Variants in SUGCT observed in about 807,000 individuals in gnomAD.
The protein encoded by SUGCT is succinyl-CoA:glutarate-CoA transferase.
Under a neutral mutation model 55.0 loss-of-function variants are expected in SUGCT, and 41 were observed. The observed-to-expected ratio is 0.74, with a 90% confidence interval of 0.58 to 0.97. The LOEUF (loss-of-function observed/expected upper bound fraction) is 0.97, where lower values mean the gene tolerates loss of function less well. Ranked by LOEUF, SUGCT falls within the 50% of genes least tolerant of loss-of-function variation. The probability of loss-of-function intolerance (pLI) is 0.00; values close to 1 mark genes in which losing one functional copy is unlikely to be tolerated. For missense variants in SUGCT, 568 were observed against 547.8 expected (o/e 1.04, Z -0.37); for synonymous variants, 187 against 200.4 (o/e 0.93, Z 0.56).
chr7:40,819,374 A>G (rs1399252091), intron 13 of SUGCT, among the ~76,000 whole-genome samples: 3 of 152,182 alleles, frequency 2.0e-5, no homozygotes, highest in African/African-American at 4.8e-5. Flanking sequence ...AGTCCCACCA[A>G]CAGTGTAAAG....
the SUGCT span, among the ~76,000 whole-genome samples, chr7:40,912,528 TG>T: frequency 6.6e-6 from 1 of 152,174 alleles, no homozygotes; most frequent in South Asian, 2.1e-4. Context: ...AATAAAATTT[TG>T]TTTTGGTCGA....
chr7:40,280,782 A>G (rs1212570694), intron 8 of SUGCT, among the ~76,000 whole-genome samples: 2 of 152,206 alleles, frequency 1.3e-5, no homozygotes, highest in African/African-American at 2.4e-5. Flanking sequence ...TATATTACAT[A>G]TCATAAAAAT....
At chr7:41,000,722 G>A in the SUGCT span, among the ~76,000 whole-genome samples, 2 of 152,160 alleles carry the variant, frequency 1.3e-5, no homozygotes, top group African/African-American at 4.8e-5. Flanking sequence ...AGAATAGCTT[G>A]TAGATGTGTT....
chr7:40,791,139 A>G (rs1336861914), intron 13 of SUGCT, among the ~76,000 whole-genome samples: 2 of 152,346 alleles, frequency 1.3e-5, no homozygotes, highest in African/African-American at 4.8e-5. Context: ...TCTTTGACAG[A>G]AAAAGCATTT....
intron 12 of SUGCT, among the ~76,000 whole-genome samples, chr7:40,707,202 G>A (rs1013694735): frequency 6.6e-6 from 1 of 151,416 alleles, no homozygotes; most frequent in Non-Finnish European, 1.5e-5. Flanking sequence ...TGAATTTTCA[G>A]TGTAAGCTAA....
At chr7:40,959,093 A>C in the SUGCT span, among the ~76,000 whole-genome samples, 1 of 152,056 alleles carries the variant, frequency 6.6e-6, no homozygotes, top group South Asian at 2.1e-4. Flanking sequence ...CCTGTATGAG[A>C]TATCTCTTGA....
intron 7 of SUGCT, among the ~76,000 whole-genome samples, chr7:40,249,347 A>ATATATATG (rs1340853643): frequency 8.2e-6 from 1 of 121,542 alleles, no homozygotes; most frequent in African/African-American, 3.1e-5. Context: ...ATATATATAT[A>ATATATATG]ATTATATTAT....
intron 12 of SUGCT, among the ~76,000 whole-genome samples, chr7:40,670,588 C>T (rs1334274469): frequency 1.3e-5 from 2 of 152,086 alleles, no homozygotes. Context: ...CCATGTTGCT[C>T]AAGCCGTCCT....
At chr7:40,168,845 TA>T (rs1490401653) in intron 1 of SUGCT, among the ~76,000 whole-genome samples, 1 of 106,482 alleles carries the variant, frequency 9.4e-6, no homozygotes, top group East Asian at 2.5e-4. Flanking sequence ...GATTACCCCA[TA>T]CTCTAGGGGT....
At chr7:40,542,356 C>T (rs888374378) in intron 12 of SUGCT, among the ~76,000 whole-genome samples, 4 of 152,168 alleles carry the variant, frequency 2.6e-5, no homozygotes, top group Admixed American at 6.5e-5. Context: ...GAGGAACAGC[C>T]GGGTATAGCT....
chr7:40,362,939 C>CA (rs1303232079), intron 9 of SUGCT, among the ~76,000 whole-genome samples: 6 of 151,944 alleles, frequency 3.9e-5, no homozygotes, highest in Non-Finnish European at 8.8e-5. Context: ...AAAATGCAAA[C>CA]AAAAAAATCC....
At chr7:40,233,108 C>T (rs1358520967) in intron 6 of SUGCT, among the ~76,000 whole-genome samples, 1 of 151,618 alleles carries the variant, frequency 6.6e-6, no homozygotes, top group Non-Finnish European at 1.5e-5. Flanking sequence ...TTTATTTATT[C>T]TCATAAAATT....
At chr7:40,255,428 G>A (rs1432645276) in intron 7 of SUGCT, among the ~76,000 whole-genome samples, 2 of 151,342 alleles carry the variant, frequency 1.3e-5, no homozygotes, top group Non-Finnish European at 2.9e-5. Flanking sequence ...TTGGGAGGCC[G>A]GGGCCGGCTG....
the SUGCT span, chr7:40,965,866 T>C: frequency 1.3e-5 from 2 of 152,296 alleles, no homozygotes; most frequent in African/African-American, 4.8e-5. Context: ...TTTGCTGATA[T>C]CATGAATGAA....
the SUGCT span, among the ~76,000 whole-genome samples, chr7:41,005,592 A>G: frequency 6.6e-6 from 1 of 152,190 alleles, no homozygotes; most frequent in South Asian, 2.1e-4. Context: ...TTGAGGTAGC[A>G]CTGGAATCCT....
chr7:40,657,863 TA>T (rs771180645), intron 12 of SUGCT, among the ~76,000 whole-genome samples: 1 of 152,188 alleles, frequency 6.6e-6, no homozygotes, highest in African/African-American at 2.4e-5. Context: ...CCCCATTTTC[TA>T]GATGAAGGAC....
intron 12 of SUGCT, chr7:40,539,691 T>C (rs1009137603): frequency 6.6e-6 from 1 of 152,204 alleles, no homozygotes; most frequent in African/African-American, 2.4e-5. Flanking sequence ...TCCTAGAATA[T>C]TGAATAAAAG....
intron 11 of SUGCT, among the ~76,000 whole-genome samples, chr7:40,482,846 T>C (rs1469916900): frequency 6.6e-6 from 1 of 152,206 alleles, no homozygotes; most frequent in African/African-American, 2.4e-5. Flanking sequence ...ACATAACTGT[T>C]GTTTTTAAGA....
chr7:40,764,823 G>A (rs1788698195), intron 13 of SUGCT, among the ~76,000 whole-genome samples: 1 of 152,126 alleles, frequency 6.6e-6, no homozygotes, highest in Non-Finnish European at 1.5e-5. Flanking sequence ...TCAATTTCTT[G>A]GAGAGGAGTA....
Sources: allele counts gnomAD v4.1 joint callset (sites outside exome capture counted in the v4.1 genomes callset), GRCh38; gene constraint gnomAD v4.1.1; transcripts MANE v1.5; gene names NCBI Gene and HGNC (gene_info 2026-07-23, HGNC 2026-07-21).